The following STPG2 variants were observed in gnomAD, a reference collection of about 807,000 sequenced individuals.
The protein encoded by STPG2 is sperm-tail PG-rich repeat-containing protein 2.
STPG2 carries 56 observed loss-of-function variants against 54.2 expected under a neutral mutation model. That is an observed-to-expected ratio of 1.03 (90% CI 0.83 to 1.29). The LOEUF (loss-of-function observed/expected upper bound fraction) is 1.29, where lower values mean the gene tolerates loss of function less well. Among genes scored for constraint, STPG2 ranks in the 50% most tolerant of loss-of-function variants. The pLI, the probability that STPG2 is intolerant of heterozygous loss-of-function variation, is 0.00. For missense variants in STPG2, 596 were observed against 544.9 expected (o/e 1.09, Z -0.93); for synonymous variants, 200 against 181.8 (o/e 1.10, Z -0.81).
At chr4:97,920,430 A>T (rs577454606) in intron 8 of STPG2, among the ~76,000 whole-genome samples, 3 of 152,228 alleles carry the variant, frequency 2.0e-5, no homozygotes, top group Non-Finnish European at 4.4e-5. Flanking sequence ...TACTCGTGCC[A>T]CTGGACCAAA....
intron 10 of STPG2, among the ~76,000 whole-genome samples, chr4:97,668,312 G>A (rs1447053245): frequency 6.6e-6 from 1 of 152,266 alleles, no homozygotes; most frequent in African/African-American, 2.4e-5. Flanking sequence ...AGACTGGAAA[G>A]ATAGACAAGT....
At chr4:98,039,630 T>G (rs960577963) in intron 5 of STPG2, among the ~76,000 whole-genome samples, 1 of 151,470 alleles carries the variant, frequency 6.6e-6, no homozygotes, top group Non-Finnish European at 1.5e-5. Flanking sequence ...CATTGTGCAG[T>G]ATATTCATGT....
At chr4:97,991,183 T>C (rs573517474) in intron 5 of STPG2, among the ~76,000 whole-genome samples, 1 of 152,144 alleles carries the variant, frequency 6.6e-6, no homozygotes, top group Non-Finnish European at 1.5e-5. Context: ...GTTACTTCAC[T>C]TAGATTAATG....
intron 9 of STPG2, among the ~76,000 whole-genome samples, chr4:97,724,073 C>G (rs1243193259): frequency 2.0e-5 from 3 of 152,176 alleles, no homozygotes; most frequent in Non-Finnish European, 4.4e-5. Context: ...TTCACATATA[C>G]ATTAATCTGT....
intron 4 of STPG2, among the ~76,000 whole-genome samples, chr4:97,498,743 TA>T (rs998250618): frequency 1.3e-5 from 2 of 151,596 alleles, no homozygotes; most frequent in Non-Finnish European, 2.9e-5. Flanking sequence ...ATTGCTTCAT[TA>T]AAAAAATAAT....
At chr4:97,903,914 C>G (rs1030957878) in intron 8 of STPG2, among the ~76,000 whole-genome samples, 1 of 152,200 alleles carries the variant, frequency 6.6e-6, no homozygotes, top group Non-Finnish European at 1.5e-5. Context: ...TGGCGCACCA[C>G]GAGATTATAT....
At chr4:97,501,616 G>A (rs1323620862) in intron 4 of STPG2, among the ~76,000 whole-genome samples, 5 of 151,590 alleles carry the variant, frequency 3.3e-5, no homozygotes, top group Non-Finnish European at 7.4e-5. Flanking sequence ...GATTGCTTGA[G>A]CCCAGGAGGT....
intron 4 of STPG2, among the ~76,000 whole-genome samples, chr4:97,447,426 G>C (rs528216307): frequency 7.7e-4 from 117 of 152,296 alleles, no homozygotes; most frequent in African/African-American, 2.8e-3. Context: ...GCATGTCAGA[G>C]ACCTTAGTGG....
At chr4:97,832,121 T>A (rs1728487356) in intron 9 of STPG2, among the ~76,000 whole-genome samples, 1 of 152,066 alleles carries the variant, frequency 6.6e-6, no homozygotes, top group Admixed American at 6.6e-5. Context: ...AAATCCTCAA[T>A]AAAATACTGG....
rs745790581 is a variant in STPG2, at chr4:97,745,259, A to AAAAC, written c.1205-32449_1205-32446dup. Among the ~76,000 whole-genome samples the AAAAC allele has an allele frequency of 6.3e-4, 62 of 98,700 alleles. 1 individual carries two copies. The highest frequency in any genetic ancestry group is 1.6e-3 in the Admixed American group (14 of 8,976). 64.8% of individuals were successfully genotyped at this position (98,700 alleles called of 152,430 possible). On this transcript the variant is annotated intron_variant, in intron 9 of 10. Coordinates refer to ENST00000295268, the MANE Select transcript of STPG2 (RefSeq NM_174952.3). ...GGCATAAAACTAAAAAAAAAACAAA[A>AAAAC]AAACAAAAAAAAAAACAATTGCAGA...
intron 8 of STPG2, among the ~76,000 whole-genome samples, chr4:97,923,272 A>G: frequency 6.6e-6 from 1 of 152,078 alleles, no homozygotes; most frequent in Non-Finnish European, 1.5e-5. Context: ...ACAGGTGGGA[A>G]CAGGGGCTGT....
chr4:97,983,181 T>A (rs1287436846), intron 5 of STPG2, among the ~76,000 whole-genome samples: 3 of 152,212 alleles, frequency 2.0e-5, no homozygotes, highest in African/African-American at 7.2e-5. Context: ...TGACAAGAGC[T>A]TTATAGTAAT....
chr4:97,529,537 G>C (rs1731366345), intron 4 of STPG2, among the ~76,000 whole-genome samples: 1 of 152,026 alleles, frequency 6.6e-6, no homozygotes, highest in African/African-American at 2.4e-5. Flanking sequence ...CTATTGTTTG[G>C]AATCGTTTCA....
intron 9 of STPG2, among the ~76,000 whole-genome samples, chr4:97,796,177 T>C (rs534791295): frequency 4.6e-5 from 7 of 152,362 alleles, no homozygotes; most frequent in Admixed American, 1.3e-4. Flanking sequence ...GGTAGTTTCT[T>C]TCACTGTGCA....
intron 5 of STPG2, among the ~76,000 whole-genome samples, chr4:97,981,951 C>T (rs1338015493): frequency 6.7e-6 from 1 of 149,994 alleles, no homozygotes; most frequent in East Asian, 2.0e-4. Context: ...GTGGCGCGAT[C>T]TCGGCTCACT....
chr4:98,128,519 C>T lies in STPG2; in HGVS notation c.296G>A (p.Gly99Asp). 1 of 1,613,192 alleles carries T rather than the reference C, an allele frequency of 6.2e-7. No homozygotes were observed. The highest frequency in any genetic ancestry group is 2.2e-5 in the East Asian group (1 of 44,796). Residue 99 changes from glycine to aspartate, a missense_variant, in exon 3 of 11, where the codon GGT becomes GAT. Gly to Asp is a moderately conservative substitution (Grantham distance 94). Transcript: ENST00000295268. ...ACTGCCATCATCATTAATATGATAA[C>T]CATATGACTTTCCACAAGAAGGAAT... Reference protein sequence around the residue: ...PSIPSCGKSYGYHINDDGSII... With the variant: ...PSIPSCGKSYDYHINDDGSII...
intron 10 of STPG2, among the ~76,000 whole-genome samples, chr4:97,595,368 A>C (rs1030119289): frequency 6.6e-6 from 1 of 151,960 alleles, no homozygotes; most frequent in Admixed American, 6.6e-5. Flanking sequence ...CAAACACCAC[A>C]TGTTCTCACT....
chr4:97,798,409 C>A (rs949847591), intron 9 of STPG2, among the ~76,000 whole-genome samples: 1 of 152,158 alleles, frequency 6.6e-6, no homozygotes, highest in East Asian at 1.9e-4. Context: ...TTTCAAAGAA[C>A]ATCTTGATTT....
At chr4:98,108,186 A>C (rs1007633632) in intron 4 of STPG2, among the ~76,000 whole-genome samples, 1 of 152,170 alleles carries the variant, frequency 6.6e-6, no homozygotes, top group Non-Finnish European at 1.5e-5. Flanking sequence ...AGGGGAGTCC[A>C]AGCAAGATCC....
Sources: gnomAD v4.1 joint callset for allele counts (sites outside exome capture counted in the v4.1 genomes callset) on GRCh38, gnomAD v4.1.1 for gene constraint, MANE v1.5 for transcripts, NCBI Gene and HGNC (gene_info 2026-07-23, HGNC 2026-07-21) for gene names.